Variants in HSCB observed in about 807,000 individuals in gnomAD.
HSCB encodes the protein HscB mitochondrial iron-sulfur cluster cochaperone.
In HSCB, 23 loss-of-function variants were observed where a neutral mutation model predicts 31.3. The ratio of observed to expected loss-of-function variants is 0.74; its 90% CI spans 0.53 to 1.04. The LOEUF is 1.04. Among genes scored for constraint, HSCB ranks in the 50% least tolerant of loss-of-function variants. The pLI is 0.00. For missense variants in HSCB, 297 were observed against 288.1 expected (o/e 1.03, Z -0.22); for synonymous variants, 110 against 104.5 (o/e 1.05, Z -0.32).
At chr22:28,746,898 CAAA>C (rs71194793) in intron 4 of HSCB, among the ~76,000 whole-genome samples, 7 of 124,742 alleles carry the variant, frequency 5.6e-5, no homozygotes, top group South Asian at 2.4e-4. Context: ...GACTCCGTCT[CAAA>C]AAAAAAAAAA....
chr22:28,751,504 C>T (rs776518871), intron 5 of HSCB, among the ~76,000 whole-genome samples: 8 of 152,182 alleles, frequency 5.3e-5, no homozygotes, highest in Middle Eastern at 3.2e-3. Flanking sequence ...AATCCCAACA[C>T]TGGGAGGCTA....
chr22:28,756,855 A>T (rs1199591457), intron 5 of HSCB, among the ~76,000 whole-genome samples: 1 of 151,974 alleles, frequency 6.6e-6, no homozygotes, highest in Non-Finnish European at 1.5e-5. Flanking sequence ...AATTTATGTG[A>T]ATCCTGTACA....
chr22:28,752,940 A>T (rs1364489831), intron 5 of HSCB, among the ~76,000 whole-genome samples: 1 of 147,500 alleles, frequency 6.8e-6, no homozygotes, highest in Non-Finnish European at 1.5e-5. Context: ...GTAGCCAGGC[A>T]TGGTGGCGCT....
chr22:28,742,525 A>G, intron 1 of HSCB, 194 bp downstream of exon 1: 1 of 976,706 alleles, frequency 1.0e-6, no homozygotes, highest in South Asian at 1.7e-5. Context: ...GAGGGAAGCA[A>G]CGTTGAGGTG....
In HSCB at chr22:28,757,464, A is replaced by G. The variant is rs910305481; in HGVS notation, c.*295A>G. ...CACGCAACTGCACTCCAGCTTGGGCAACAGAGTGAGACTTAATCTTGAAAA... is the reference window on the plus strand; with the variant it reads ...CACGCAACTGCACTCCAGCTTGGGCGACAGAGTGAGACTTAATCTTGAAAA... On this transcript the variant is annotated 3_prime_UTR_variant, in exon 6 of 6. Transcript: ENST00000216027. The G allele has an allele frequency of 4.3e-5, 10 of 230,686 alleles. No individual in the cohort carries two copies. Among genetic ancestry groups the G allele is most frequent in the African/African-American group, 2.3e-4 (10 of 42,880 alleles). The allele number at this position is 230,686 out of a possible 1,614,324, so 14.3% of individuals were successfully genotyped here. A position where few individuals can be genotyped will look rare whatever the true frequency, so the allele number is the denominator to read the frequency against.
chr22:28,751,189 T>C (rs1007152538), intron 4 of HSCB, 52 bp from the exon 5 acceptor site: 1 of 1,089,594 alleles, frequency 9.2e-7, no homozygotes, highest in African/African-American at 1.6e-5. Flanking sequence ...ATTGTCTTCA[T>C]ATTATGAGTC....
At position 28,742,339 on chromosome 22, in the gene HSCB, C is replaced by T. The variant is rs2054581849; in HGVS notation, c.236+8C>T. 1 of 1,608,280 alleles carries T rather than the reference C, an allele frequency of 6.2e-7. No homozygotes were observed. The highest frequency in any genetic ancestry group is 8.5e-7 in the Non-Finnish European group (1 of 1,175,528). ...CTTCAGCCTTATGGACTGGTACGAG[C>T]GACGGTTTCGGGAAACGGGCCCGGG... On this transcript the variant is annotated splice_region_variant and intron_variant, in intron 1 of 5. Transcript: ENST00000216027.
At chr22:28,742,432 G>A (rs2054586703) in intron 1 of HSCB, 101 bp downstream of exon 1, 2 of 1,508,170 alleles carry the variant, frequency 1.3e-6, no homozygotes, top group East Asian at 4.8e-5. Flanking sequence ...GAGAAGGCGG[G>A]ACTGATGGGG....
chr22:28,744,038 C>A, intron 2 of HSCB, 60 bp downstream of exon 2: 1 of 1,259,238 alleles, frequency 7.9e-7, no homozygotes, highest in South Asian at 1.2e-5. Flanking sequence ...GTGGCAGTAG[C>A]CTTGTGGTTA....
intron 5 of HSCB, among the ~76,000 whole-genome samples, chr22:28,752,253 G>A (rs1460436329): frequency 5.3e-5 from 8 of 152,002 alleles, no homozygotes; most frequent in Admixed American, 5.2e-4. Context: ...GGCCAACATG[G>A]TGAAACCCCA....
chr22:28,756,950 T>G (rs2030639099), intron 5 of HSCB, 128 bp from the exon 6 acceptor site: 1 of 710,324 alleles, frequency 1.4e-6, no homozygotes. Context: ...CGTTGCTCAG[T>G]CTTACTGAGG....
intron 5 of HSCB, 60 bp downstream of exon 5, chr22:28,751,348 C>G (rs1055526350): frequency 3.0e-6 from 3 of 991,324 alleles, no homozygotes; most frequent in African/African-American, 3.2e-5. Context: ...TGAAGCATAG[C>G]CATTCATTCA....
Position 28,757,061 on chromosome 22 carries a change from G to A in HSCB, c.617-17G>A. The stretch of plus-strand genomic sequence containing the variant: ...GCTTGAAATGAAGCCTGACTTCAGT[G>A]TCTCTGTCTATTTCAGATGACTTTG... On this transcript the variant is annotated splice_polypyrimidine_tract_variant and intron_variant, in intron 5 of 5. Coordinates refer to ENST00000216027, the MANE Select transcript of HSCB (RefSeq NM_172002.5). 5.0e-6 allele frequency: 7 copies of A among 1,404,646 alleles called. No homozygotes were observed. The highest frequency in any genetic ancestry group is 3.0e-6 in the Non-Finnish European group (3 of 989,838). The allele number at this position is 1,404,646 out of a possible 1,614,324, so 87.0% of individuals were successfully genotyped here.
chr22:28,742,472 G>A, intron 1 of HSCB, 141 bp downstream of exon 1: 1 of 1,372,764 alleles, frequency 7.3e-7, no homozygotes, highest in Non-Finnish European at 9.7e-7. Context: ...AGGCGTGAGA[G>A]AAGTGTCTTG....
chr22:28,756,716 A>G (rs1261853147), intron 5 of HSCB, among the ~76,000 whole-genome samples: 2 of 151,860 alleles, frequency 1.3e-5, no homozygotes, highest in Non-Finnish European at 2.9e-5. Flanking sequence ...CTGGTCTTCA[A>G]TTCCTGGGCT....
At chr22:28,744,038 C>G in intron 2 of HSCB, 60 bp downstream of exon 2, 1 of 1,259,244 alleles carries the variant, frequency 7.9e-7, no homozygotes, top group South Asian at 1.2e-5. Flanking sequence ...GTGGCAGTAG[C>G]CTTGTGGTTA....
intron 4 of HSCB, among the ~76,000 whole-genome samples, chr22:28,750,259 A>G (rs1454972313): frequency 6.6e-6 from 1 of 150,648 alleles, no homozygotes; most frequent in African/African-American, 2.4e-5. Flanking sequence ...AAAAAAAAAA[A>G]AAAAAAAAAA....
rs773484961 is a variant in HSCB, at chr22:28,745,880, T to C, written c.440T>C (p.Ile147Thr). 2.5e-6 allele frequency: 4 copies of C among 1,612,020 alleles called. 1 individual carries two copies. The highest frequency in any genetic ancestry group is 1.1e-5 in the South Asian group (1 of 90,608). The change falls in exon 4 of 6, where the codon ATA (isoleucine) becomes ACA (threonine). Residue 147 changes from isoleucine (I) to threonine (T), a missense_variant. Physicochemically the swap from Ile to Thr is moderately conservative, Grantham distance 89. Coordinates refer to ENST00000216027, the MANE Select transcript of HSCB (RefSeq NM_172002.5). The part of the protein sequence containing the change: ...RGLYLLKLHG[I>T]EIPERTDYEM... ...CCCCAATAGCTAAAGCTCCATGGAATAGAGATTCCTGAAAGGACAGATTAT... is the reference window on the plus strand; with the variant it reads ...CCCCAATAGCTAAAGCTCCATGGAACAGAGATTCCTGAAAGGACAGATTAT...
intron 5 of HSCB, among the ~76,000 whole-genome samples, chr22:28,755,476 G>T (rs973037080): frequency 2.0e-5 from 3 of 152,022 alleles, no homozygotes; most frequent in Non-Finnish European, 4.4e-5. Flanking sequence ...CCAAGTCCCT[G>T]GTTGACATTT....
Sources: allele counts gnomAD v4.1 joint callset (sites outside exome capture counted in the v4.1 genomes callset), GRCh38; gene constraint gnomAD v4.1.1; transcripts MANE v1.5; gene names NCBI Gene and HGNC (gene_info 2026-07-23, HGNC 2026-07-21).